The following ARHGAP6 variants were observed in gnomAD, a reference collection of about 807,000 sequenced individuals.
The protein encoded by ARHGAP6 is Rho GTPase activating protein 6.
In ARHGAP6, 16 loss-of-function variants were observed where a neutral mutation model predicts 55.7. The observed-to-expected ratio is 0.29, with a 90% CI of 0.19 to 0.44. ARHGAP6 has a LOEUF of 0.44. Among genes scored for constraint, ARHGAP6 ranks in the 20% least tolerant of loss-of-function variants. The probability of loss-of-function intolerance (pLI) is 1.00; values close to 1 mark genes in which losing one functional copy is unlikely to be tolerated. For synonymous variants in ARHGAP6, 382 were observed against 360.9 expected, an observed-to-expected ratio of 1.06 and a Z score of -0.66; for missense variants, 698 against 808.9, an observed-to-expected ratio of 0.86 and a Z score of 1.66.
intron 1 of ARHGAP6, among the ~76,000 whole-genome samples, chrX:11,417,974 T>C (rs1415981322): frequency 1.8e-5 from 2 of 112,240 alleles, no homozygotes; most frequent in African/African-American, 3.2e-5. Context: ...TCAATAAATA[T>C]TGGCTATTAT....
rs202185210 is a variant in ARHGAP6 at position 11,610,694 on chromosome X, CAT to C, written c.588+53545_588+53546del. The stretch of plus-strand genomic sequence containing the variant: ...CATATGATATAATTCACATATGATA[CAT>C]ATGATAAAATTCAGAGGTTTTTAGT... On this transcript the variant is annotated intron_variant, in intron 1 of 12. Coordinates refer to ENST00000337414, the MANE Select transcript of ARHGAP6 (RefSeq NM_013427.3). Among the ~76,000 whole-genome samples the C allele has an allele frequency of 5.6e-3, 625 of 112,346 alleles. 6 individuals are homozygous for C. Among genetic ancestry groups the C allele is most frequent in the African/African-American group, 0.02 (606 of 30,960 alleles).
intron 1 of ARHGAP6, among the ~76,000 whole-genome samples, chrX:11,615,773 G>C (rs889677035): frequency 2.1e-4 from 24 of 112,304 alleles, no homozygotes; most frequent in African/African-American, 7.8e-4. Flanking sequence ...TTGTCTTACA[G>C]AGTATCTACA....
chrX:11,425,065 T>C (rs1216417381), intron 1 of ARHGAP6, among the ~76,000 whole-genome samples: 1 of 112,344 alleles, frequency 8.9e-6, no homozygotes, highest in Non-Finnish European at 1.9e-5. Context: ...CAAATGTTTA[T>C]TGAATGAATC....
chrX:11,261,639 G>T (rs1478230936), intron 1 of ARHGAP6, among the ~76,000 whole-genome samples: 1 of 111,530 alleles, frequency 9.0e-6, no homozygotes, highest in Non-Finnish European at 1.9e-5. Flanking sequence ...AATGTCTCTG[G>T]ATAGACTAAA....
intron 1 of ARHGAP6, among the ~76,000 whole-genome samples, chrX:11,332,998 T>G (rs1261926042): frequency 9.0e-6 from 1 of 111,607 alleles, no homozygotes; most frequent in African/African-American, 3.3e-5. Context: ...CCATATTCAA[T>G]GAAGGGAGGA....
chrX:11,437,542 G>A (rs2030702541), intron 1 of ARHGAP6, among the ~76,000 whole-genome samples: 1 of 112,318 alleles, frequency 8.9e-6, no homozygotes, highest in South Asian at 3.7e-4. Context: ...CTGGTAAGGG[G>A]TGAGCATAAC....
intron 1 of ARHGAP6, among the ~76,000 whole-genome samples, chrX:11,433,539 T>A (rs1306611987): frequency 8.9e-6 from 1 of 112,277 alleles, no homozygotes; most frequent in Non-Finnish European, 1.9e-5. Context: ...AAATAACCAT[T>A]TGGGAATTAA....
At chrX:11,573,746 G>T (rs1172693686) in intron 1 of ARHGAP6, among the ~76,000 whole-genome samples, 5 of 110,557 alleles carry the variant, frequency 4.5e-5, no homozygotes, top group Non-Finnish European at 9.5e-5. Flanking sequence ...GCTTGATGGG[G>T]ATGGCATTGA....
intron 1 of ARHGAP6, among the ~76,000 whole-genome samples, chrX:11,406,871 G>A (rs767035814): frequency 2.0e-5 from 2 of 101,318 alleles, no homozygotes; most frequent in Non-Finnish European, 4.0e-5. Context: ...TAAATGGGGA[G>A]TTTTTTTTTT....
At chrX:11,164,045 G>A (rs749433628) in intron 9 of ARHGAP6, among the ~76,000 whole-genome samples, 1 of 112,722 alleles carries the variant, frequency 8.9e-6, no homozygotes, top group South Asian at 3.7e-4. Flanking sequence ...CAGAACATTT[G>A]CTGGCTCTGG....
chrX:11,354,331 A>C (rs60299250), intron 1 of ARHGAP6, among the ~76,000 whole-genome samples: 2,610 of 60,673 alleles, frequency 0.043, 48 homozygotes, highest in African/African-American at 0.061. Flanking sequence ...CTCTCTCTAT[A>C]TATATATATA....
chrX:11,395,484 A>G (rs1248421850), intron 1 of ARHGAP6, among the ~76,000 whole-genome samples: 1 of 112,342 alleles, frequency 8.9e-6, no homozygotes, highest in Non-Finnish European at 1.9e-5. Flanking sequence ...GTTAATTTCC[A>G]TAATATAAAT....
intron 1 of ARHGAP6, among the ~76,000 whole-genome samples, chrX:11,418,323 C>A (rs753840016): frequency 1.8e-5 from 2 of 111,947 alleles, no homozygotes; most frequent in Non-Finnish European, 3.8e-5. Flanking sequence ...GGTTTAACTG[C>A]AATACTTAGC....
At chrX:11,570,630 G>C (rs1018096251) in intron 1 of ARHGAP6, among the ~76,000 whole-genome samples, 1 of 111,168 alleles carries the variant, frequency 9.0e-6, no homozygotes, top group Non-Finnish European at 1.9e-5. Context: ...GGGCAAGTAA[G>C]TGGTGGCTCT....
chrX:11,364,419 C>G (rs5935038), intron 1 of ARHGAP6, among the ~76,000 whole-genome samples: 6,212 of 108,377 alleles, frequency 0.057, 201 homozygotes, highest in African/African-American at 0.12. Flanking sequence ...CCTTGGAAAA[C>G]TTAATTAACT....
At chrX:11,146,467 C>A (rs1199423340) in intron 10 of ARHGAP6, among the ~76,000 whole-genome samples, 1 of 112,129 alleles carries the variant, frequency 8.9e-6, no homozygotes, top group Non-Finnish European at 1.9e-5. Context: ...CAATGAGAGA[C>A]GATGTCTTCT....
intron 3 of ARHGAP6, among the ~76,000 whole-genome samples, chrX:11,192,020 G>A (rs749898957): frequency 2.8e-4 from 31 of 111,663 alleles, no homozygotes; most frequent in Non-Finnish European, 3.9e-4. Context: ...CACGATGCCC[G>A]TAACTTAAAC....
chrX:11,336,513 A>T (rs2048639461), intron 1 of ARHGAP6, among the ~76,000 whole-genome samples: 1 of 111,944 alleles, frequency 8.9e-6, no homozygotes, highest in Admixed American at 9.5e-5. Context: ...AGAGACAGGA[A>T]CAAGAAGGCC....
intron 1 of ARHGAP6, among the ~76,000 whole-genome samples, chrX:11,268,857 G>A (rs1199864222): frequency 9.0e-6 from 1 of 111,533 alleles, no homozygotes; most frequent in Non-Finnish European, 1.9e-5. Context: ...GACATAAGAA[G>A]GCATGGAAAC....
Sources: gnomAD v4.1 joint callset for allele counts (sites outside exome capture counted in the v4.1 genomes callset) on GRCh38, gnomAD v4.1.1 for gene constraint, MANE v1.5 for transcripts, NCBI Gene and HGNC (gene_info 2026-07-23, HGNC 2026-07-21) for gene names.